Variants in NRF1 observed in about 807,000 individuals in gnomAD.
The protein encoded by NRF1 is nuclear respiratory factor 1, also known as alpha palindromic-binding protein.
Under a neutral mutation model 58.5 loss-of-function variants are expected in NRF1, and 5 were observed. The observed-to-expected ratio is 0.09, with a 90% CI of 0.04 to 0.18. NRF1 has a LOEUF of 0.18. Among genes scored for constraint, NRF1 ranks in the 10% least tolerant of loss-of-function variants. The pLI is 1.00. For missense variants in NRF1, 288 were observed against 657.7 expected (o/e 0.44, Z 6.15); for synonymous variants, 224 against 246.7 (o/e 0.91, Z 0.86).
At chr7:129,613,413 AGT>A (rs1800586489) in intron 1 of NRF1, among the ~76,000 whole-genome samples, 1 of 152,086 alleles carries the variant, frequency 6.6e-6, no homozygotes, top group Non-Finnish European at 1.5e-5. Context: ...CGTGCATCTG[AGT>A]GTAATTTCCT....
chr7:129,620,023 A>C (rs143714322), intron 1 of NRF1, among the ~76,000 whole-genome samples: 62 of 152,182 alleles, frequency 4.1e-4, no homozygotes, highest in African/African-American at 1.3e-3. Flanking sequence ...AGATTTTTCA[A>C]GGGGGCTGTT....
intron 7 of NRF1, 46 bp downstream of exon 7, chr7:129,710,617 C>A: frequency 1.1e-6 from 1 of 943,732 alleles, no homozygotes; most frequent in Non-Finnish European, 1.8e-6. Flanking sequence ...TGAGATGGAT[C>A]AGTGGGCACC....
chr7:129,635,416 T>TA (rs1156519746), intron 1 of NRF1, among the ~76,000 whole-genome samples: 1 of 152,184 alleles, frequency 6.6e-6, no homozygotes, highest in East Asian at 1.9e-4. Context: ...TTGGGAGTGT[T>TA]ACAGTTCTTT....
At chr7:129,614,841 A>G (rs1471405153) in intron 1 of NRF1, among the ~76,000 whole-genome samples, 2 of 152,186 alleles carry the variant, frequency 1.3e-5, no homozygotes, top group Admixed American at 6.5e-5. Flanking sequence ...AGGGAACCGA[A>G]GGCCAACTTC....
intron 1 of NRF1, among the ~76,000 whole-genome samples, chr7:129,639,970 C>T (rs779193734): frequency 6.6e-6 from 1 of 152,186 alleles, no homozygotes; most frequent in Non-Finnish European, 1.5e-5. Context: ...AACACTCTGG[C>T]GCTCACAGAA....
intron 10 of NRF1, among the ~76,000 whole-genome samples, chr7:129,736,451 T>G (rs1803714439): frequency 6.6e-6 from 1 of 151,956 alleles, no homozygotes; most frequent in African/African-American, 2.4e-5. Context: ...GAGATGGGGT[T>G]TCACCATGTT....
chr7:129,624,265 A>G (rs978286241), intron 1 of NRF1, among the ~76,000 whole-genome samples: 3 of 152,054 alleles, frequency 2.0e-5, no homozygotes, highest in African/African-American at 7.2e-5. Context: ...GTGGTCATAT[A>G]TATATAATTT....
chr7:129,714,780 A>T (rs1288180126), intron 8 of NRF1, among the ~76,000 whole-genome samples: 1 of 152,226 alleles, frequency 6.6e-6, no homozygotes, highest in African/African-American at 2.4e-5. Flanking sequence ...GAAAAGCATT[A>T]TCATAATCTA....
chr7:129,722,884 G>T (rs1803361256), intron 9 of NRF1, among the ~76,000 whole-genome samples: 2 of 152,110 alleles, frequency 1.3e-5, no homozygotes, highest in Non-Finnish European at 1.5e-5. Context: ...ATTGTAAATT[G>T]TAAGAATAAT....
intron 4 of NRF1, among the ~76,000 whole-genome samples, chr7:129,686,231 A>G (rs1393520643): frequency 6.6e-6 from 1 of 152,160 alleles, no homozygotes; most frequent in East Asian, 1.9e-4. Context: ...ATAGGACTCC[A>G]TGGAGGTTGT....
chr7:129,630,526 T>C (rs1229396390), intron 1 of NRF1, among the ~76,000 whole-genome samples: 3 of 152,190 alleles, frequency 2.0e-5, no homozygotes, highest in Non-Finnish European at 4.4e-5. Context: ...TTATAGAAGG[T>C]GAATGTTAAA....
chr7:129,638,904 TATA>T (rs1193723682), intron 1 of NRF1, among the ~76,000 whole-genome samples: 2 of 152,296 alleles, frequency 1.3e-5, no homozygotes, highest in Admixed American at 6.5e-5. Context: ...AGTCTTGAAA[TATA>T]ATATGCTTTT....
intron 5 of NRF1, among the ~76,000 whole-genome samples, chr7:129,707,830 T>G (rs901265334): frequency 6.6e-6 from 1 of 152,128 alleles, no homozygotes; most frequent in African/African-American, 2.4e-5. Flanking sequence ...CTTTATTAGG[T>G]CAACATTACT....
intron 5 of NRF1, among the ~76,000 whole-genome samples, chr7:129,695,257 A>G (rs925520356): frequency 6.6e-6 from 1 of 150,680 alleles, no homozygotes; most frequent in Admixed American, 6.6e-5. Context: ...CTCTGTGTGT[A>G]TAGAACTTTG....
intron 1 of NRF1, among the ~76,000 whole-genome samples, chr7:129,625,778 T>A (rs993940298): frequency 1.4e-5 from 2 of 139,378 alleles, no homozygotes; most frequent in Non-Finnish European, 3.0e-5. Flanking sequence ...GCCTCCCGGG[T>A]TCACGCCATT....
intron 2 of NRF1, among the ~76,000 whole-genome samples, chr7:129,666,779 C>A (rs1218207587): frequency 6.6e-6 from 1 of 152,168 alleles, no homozygotes; most frequent in Non-Finnish European, 1.5e-5. Context: ...GATCTGCCTA[C>A]CCCAGCCTCC....
At chr7:129,625,838 C>T (rs1361115779) in intron 1 of NRF1, among the ~76,000 whole-genome samples, 1 of 152,090 alleles carries the variant, frequency 6.6e-6, no homozygotes, top group Non-Finnish European at 1.5e-5. Flanking sequence ...CCTGCCACCA[C>T]ACCTGGCTAA....
At chr7:129,735,045 C>G in intron 10 of NRF1, 5 of 985,392 alleles carry the variant, frequency 5.1e-6, no homozygotes, top group Non-Finnish European at 6.0e-6. Flanking sequence ...TTCCCCAGCT[C>G]CTCACCGGGT....
At chr7:129,627,580 G>T (rs1183802423) in intron 1 of NRF1, among the ~76,000 whole-genome samples, 3 of 152,004 alleles carry the variant, frequency 2.0e-5, no homozygotes, top group African/African-American at 4.8e-5. Context: ...CAAGTTTTTT[G>T]TCCTGTTGTT....
Sources: gnomAD v4.1 joint callset for allele counts (sites outside exome capture counted in the v4.1 genomes callset) on GRCh38, gnomAD v4.1.1 for gene constraint, MANE v1.5 for transcripts, NCBI Gene and HGNC (gene_info 2026-07-23, HGNC 2026-07-21) for gene names.